C5orf47: variants seen among roughly 807,000 people sequenced by gnomAD.
The protein encoded by C5orf47 is uncharacterized protein C5orf47.
A neutral mutation model predicts 20.6 loss-of-function variants in C5orf47; 20 were observed. The observed-to-expected ratio is 0.97, with a 90% CI of 0.68 to 1.41. The LOEUF (loss-of-function observed/expected upper bound fraction) is 1.41, where lower values mean the gene tolerates loss of function less well. C5orf47 is among the 40% of genes most tolerant of loss of function. C5orf47 has a pLI of 0.00. For synonymous variants in C5orf47, 106 were observed against 97.3 expected, an observed-to-expected ratio of 1.09 and a Z score of -0.53; for missense variants, 262 against 238.4, an observed-to-expected ratio of 1.10 and a Z score of -0.65.
rs1759257584 is a variant in C5orf47, at chr5:174,004,776, T to TA, written c.*524dup. 6.6e-6 allele frequency: 1 copy of TA among 152,318 alleles called. No individual in the cohort carries two copies. The highest frequency in any genetic ancestry group is 1.5e-5 in the Non-Finnish European group (1 of 68,024). 9.4% of individuals were successfully genotyped at this position (152,318 alleles called of 1,614,324 possible). A position where few individuals can be genotyped will look rare whatever the true frequency, so the allele number is the denominator to read the frequency against. On this transcript the variant is annotated 3_prime_UTR_variant, in exon 5 of 5. Transcript: ENST00000340147. Reference sequence around the variant, plus strand: ...ATTATTTTGGGTGTTAAAACTAAGCTAATGATTATTTAAGCCATCTTTTCA... The same window carrying TA: ...ATTATTTTGGGTGTTAAAACTAAGCTAAATGATTATTTAAGCCATCTTTTCA...
intron 1 of C5orf47, among the ~76,000 whole-genome samples, chr5:173,990,811 T>A (rs570335191): frequency 6.6e-6 from 1 of 152,230 alleles, no homozygotes; most frequent in South Asian, 2.1e-4. Context: ...GACAGATTTA[T>A]ACACACCCTA....
chr5:173,999,020 A>C (rs1209155031), intron 2 of C5orf47, among the ~76,000 whole-genome samples: 1 of 152,228 alleles, frequency 6.6e-6, no homozygotes, highest in Admixed American at 6.5e-5. Flanking sequence ...AGAAAAGAGC[A>C]ATAATCAATA....
intron 4 of C5orf47, among the ~76,000 whole-genome samples, chr5:174,004,043 C>G (rs1328509482): frequency 1.3e-5 from 2 of 151,988 alleles, no homozygotes; most frequent in Non-Finnish European, 2.9e-5. Context: ...TGAAGTCACC[C>G]AAGGGTATTG....
At chr5:174,002,564 T>G (rs548672657) in intron 4 of C5orf47, among the ~76,000 whole-genome samples, 134 of 151,454 alleles carry the variant, frequency 8.8e-4, no homozygotes, top group Non-Finnish European at 1.5e-3. Context: ...TTGCTGTTTT[T>G]TAACATCTTG....
chr5:174,007,770 G>A (rs1759314634), downstream of C5orf47, among the ~76,000 whole-genome samples: 1 of 152,036 alleles, frequency 6.6e-6, no homozygotes, highest in African/African-American at 2.4e-5. Context: ...GTATTAGCCA[G>A]GCTGGTCTCA....
chr5:173,990,433 TC>T (rs1758971937), intron 1 of C5orf47, among the ~76,000 whole-genome samples: 1 of 151,854 alleles, frequency 6.6e-6, no homozygotes, highest in Non-Finnish European at 1.5e-5. Flanking sequence ...TCTTGGTTTT[TC>T]TTTTTCTTTC....
chr5:173,999,488 G>T (rs761780285), intron 2 of C5orf47, among the ~76,000 whole-genome samples: 1 of 152,098 alleles, frequency 6.6e-6, no homozygotes, highest in African/African-American at 2.4e-5. Flanking sequence ...CTACAGGGAG[G>T]AAATTCTAGG....
In C5orf47 at chr5:173,999,775, A is replaced by T; in HGVS notation, c.487A>T (p.Lys163Ter). ...EENEKYRHRL[K>*]CQRLSSESSN... Reference sequence around the variant, plus strand: ...AAATGAAAAATATAGACACAGGCTGAAATGCCAAAGGTTATCTAGTGAAAG... The same window carrying T: ...AAATGAAAAATATAGACACAGGCTGTAATGCCAAAGGTTATCTAGTGAAAG... Residue 163 changes from lysine (K) to a stop codon, truncating the protein, a stop_gained, in exon 3 of 5, where the codon AAA becomes TAA. Transcript: ENST00000340147. LOFTEE classifies it high-confidence loss of function. 6.5e-7 allele frequency: 1 copy of T among 1,536,368 alleles called. No individual in the cohort carries two copies. Among genetic ancestry groups the T allele is most frequent in the Non-Finnish European group, 8.8e-7 (1 of 1,135,840 alleles).
intron 1 of C5orf47, among the ~76,000 whole-genome samples, chr5:173,990,803 C>T (rs990180861): frequency 5.9e-5 from 9 of 152,306 alleles, no homozygotes; most frequent in Admixed American, 1.3e-4. Flanking sequence ...AGAGGTTTGA[C>T]AGATTTATAC....
At chr5:173,990,030 C>A (rs1167521487) in intron 1 of C5orf47, among the ~76,000 whole-genome samples, 2 of 152,132 alleles carry the variant, frequency 1.3e-5, no homozygotes, top group Non-Finnish European at 2.9e-5. Context: ...ATGTCTTGAT[C>A]AACTTATTCC....
chr5:174,000,852 G>C (rs1759183963), intron 3 of C5orf47, among the ~76,000 whole-genome samples: 1 of 152,132 alleles, frequency 6.6e-6, no homozygotes. Flanking sequence ...AGGCAGAGCA[G>C]TGTGCAAAAA....
At chr5:173,992,634 C>A (rs2113359351) in intron 1 of C5orf47, among the ~76,000 whole-genome samples, 1 of 152,244 alleles carries the variant, frequency 6.6e-6, no homozygotes, top group South Asian at 2.1e-4. Flanking sequence ...TTAAATACAT[C>A]CCATAGATTC....
chr5:174,008,345 G>T (rs1324137948), downstream of C5orf47, among the ~76,000 whole-genome samples: 1 of 152,240 alleles, frequency 6.6e-6, no homozygotes, highest in East Asian at 1.9e-4. Context: ...AAAGGGCTCT[G>T]CAGTAGTTCC....
At chr5:174,002,888 C>T (rs1249413607) in intron 4 of C5orf47, among the ~76,000 whole-genome samples, 4 of 152,028 alleles carry the variant, frequency 2.6e-5, no homozygotes, top group Non-Finnish European at 5.9e-5. Context: ...TTTTTTGATA[C>T]TGATATTTTT....
intron 4 of C5orf47, among the ~76,000 whole-genome samples, chr5:174,001,958 CTT>C (rs375423569): frequency 1.5e-5 from 2 of 133,460 alleles, no homozygotes; most frequent in African/African-American, 2.7e-5. Flanking sequence ...TTTTTTTTTT[CTT>C]TTTTTTTTTA....
At chr5:173,989,666 C>T in intron 1 of C5orf47, 78 bp downstream of exon 1, 2 of 1,229,518 alleles carry the variant, frequency 1.6e-6, no homozygotes, top group South Asian at 2.0e-5. Flanking sequence ...TGGGCGCCAT[C>T]TTGCGGCACG....
downstream of C5orf47, among the ~76,000 whole-genome samples, chr5:174,007,448 G>A (rs1434398435): frequency 6.6e-6 from 1 of 152,140 alleles, no homozygotes; most frequent in East Asian, 1.9e-4. Context: ...CAATTGATGT[G>A]GCAGATGCAT....
rs1195695026 is a variant in C5orf47, at chr5:173,998,183, A to G, written c.356A>G (p.Tyr119Cys). 2 of 1,543,806 alleles carry G rather than the reference A, an allele frequency of 1.3e-6. No homozygotes were observed. The highest frequency in any genetic ancestry group is 1.8e-6 in the Non-Finnish European group (2 of 1,142,560). ...ATCCAGAAGGATGCAGCTAAAAAGT[A>G]TGATTTTCCCATACCATTGAATGAA... ...GLIQKDAAKK[Y>C]DFPIPLNEAS... Residue 119 changes from tyrosine to cysteine, a missense_variant, in exon 2 of 5, where the codon TAT becomes TGT. Tyr to Cys is a radical substitution (Grantham distance 194, BLOSUM62 -2). Transcript: ENST00000340147.
At chr5:173,997,709 GGTGTGT>G (rs112339082) in intron 1 of C5orf47, among the ~76,000 whole-genome samples, 2 of 150,192 alleles carry the variant, frequency 1.3e-5, no homozygotes, top group Non-Finnish European at 3.0e-5. Flanking sequence ...TGCCTGGGAG[GGTGTGT>G]GTGTGTGTGT....
Sources: allele counts gnomAD v4.1 joint callset (sites outside exome capture counted in the v4.1 genomes callset), GRCh38; gene constraint gnomAD v4.1.1; transcripts MANE v1.5; gene names NCBI Gene and HGNC (gene_info 2026-07-23, HGNC 2026-07-21).